Variants in AGAP1 observed in about 807,000 individuals in gnomAD.
The protein encoded by AGAP1 is ArfGAP with GTPase domain, ankyrin repeat and PH domain 1, also known as arf-GAP with GTPase, ANK repeat and PH domain-containing protein 1.
In AGAP1, 29 loss-of-function variants were observed where a neutral mutation model predicts 105.3. That is an observed-to-expected ratio of 0.28 (90% CI 0.21 to 0.38). The LOEUF is 0.38. Ranked by LOEUF, AGAP1 falls within the 10% of genes least tolerant of loss-of-function variation. AGAP1 has a pLI of 1.00. For synonymous variants in AGAP1, 509 were observed against 485.9 expected (o/e 1.05, Z -0.63); for missense variants, 998 against 1,165.1 (o/e 0.86, Z 2.09).
At chr2:235,518,022 C>G (rs1169866265) in intron 1 of AGAP1, among the ~76,000 whole-genome samples, 2 of 152,098 alleles carry the variant, frequency 1.3e-5, no homozygotes, top group Non-Finnish European at 2.9e-5. Flanking sequence ...GTTCTTGCCC[C>G]CATTTGCAGG....
In AGAP1 at chr2:235,732,613, T is replaced by A. The variant is rs2149616094; in HGVS notation, c.311-8350T>A. Among the ~76,000 whole-genome samples the A allele has an allele frequency of 6.6e-6, 1 of 152,238 alleles. No homozygotes were observed. The highest frequency in any genetic ancestry group is 1.5e-5 in the Non-Finnish European group (1 of 68,000). ...TCCTCTCCCCAAGCCTCTCCCGCCT[T>A]CCCATTTTCCCTGCTGGGGAGCCTT... On this transcript the variant is annotated intron_variant, in intron 3 of 17. Transcript: ENST00000304032. This position sits in a 1 kb window ranked among gnomAD's most constrained non-coding sequence, Gnocchi z 4.8.
rs764854079 is a variant in AGAP1 at position 235,662,276 on chromosome 2, G to A, written c.164-46903G>A. Among the ~76,000 whole-genome samples, 6 of 152,170 alleles carry A rather than the reference G, an allele frequency of 3.9e-5. No homozygotes were observed. Among genetic ancestry groups the A allele is most frequent in the Non-Finnish European group, 7.3e-5 (5 of 68,032 alleles). On this transcript the variant is annotated intron_variant, in intron 1 of 17. Coordinates refer to ENST00000304032, the MANE Select transcript of AGAP1 (RefSeq NM_001037131.3). The surrounding 1 kb of genome is among the most constrained non-coding windows in gnomAD (Gnocchi z 4.2). ...TAGTCACATCTTAACTTGTGGCGCGGCTTTAGAGAGTGTCTGTGCAGGCTG... is the reference window on the plus strand; with the variant it reads ...TAGTCACATCTTAACTTGTGGCGCGACTTTAGAGAGTGTCTGTGCAGGCTG...
intron 12 of AGAP1, among the ~76,000 whole-genome samples, chr2:235,942,550 G>A (rs893630937): frequency 1.1e-4 from 17 of 152,062 alleles, no homozygotes; most frequent in African/African-American, 3.6e-4. Context: ...GGTGGAACAT[G>A]CCTGTAATCC....
chr2:235,756,107 A>G (rs1417296969), intron 6 of AGAP1, among the ~76,000 whole-genome samples: 2 of 152,206 alleles, frequency 1.3e-5, no homozygotes, highest in Admixed American at 6.5e-5. Flanking sequence ...GAGATGGTGC[A>G]TTCAGCACTG....
rs2058647284 is a variant in AGAP1, at chr2:236,076,815, AG to A, written c.2114+27535del. Reference sequence around the variant, plus strand: ...GGGAAGTGACTGTATCCTACAGAGTAGAAAAATAGTCCCAGCACAGGGTCTC... The same window carrying A: ...GGGAAGTGACTGTATCCTACAGAGTAAAAAATAGTCCCAGCACAGGGTCTC... On this transcript the variant is annotated intron_variant, in intron 16 of 17. Transcript: ENST00000304032. This position sits in a 1 kb window ranked among gnomAD's most constrained non-coding sequence, Gnocchi z 4.4. Among the ~76,000 whole-genome samples, 2 of 152,176 alleles carry A rather than the reference AG, an allele frequency of 1.3e-5. No individual in the cohort carries two copies. Among genetic ancestry groups the A allele is most frequent in the South Asian group, 4.1e-4 (2 of 4,822 alleles).
chr2:235,541,894 C>A (rs940815863), intron 1 of AGAP1, among the ~76,000 whole-genome samples: 1 of 152,102 alleles, frequency 6.6e-6, no homozygotes. Context: ...TAATGCACGT[C>A]GCTATAGTTC....
At position 236,124,776 on chromosome 2, in the gene AGAP1, A is replaced by C. The variant is rs1285461268; in HGVS notation, c.*654A>C. ...AAGAAAGCATATTAGCCGAGGAGGTAGTCACGCGGCACGCGCCGGTGATTG... is the reference window on the plus strand; with the variant it reads ...AAGAAAGCATATTAGCCGAGGAGGTCGTCACGCGGCACGCGCCGGTGATTG... On this transcript the variant is annotated 3_prime_UTR_variant, in exon 18 of 18. Transcript: ENST00000304032. This position sits in a 1 kb window ranked among gnomAD's most constrained non-coding sequence, Gnocchi z 5.1. 2 of 154,466 alleles carry C rather than the reference A, an allele frequency of 1.3e-5. No homozygotes were observed. The highest frequency in any genetic ancestry group is 4.8e-5 in the African/African-American group (2 of 41,472). 9.6% of individuals were successfully genotyped at this position (154,466 alleles called of 1,614,324 possible).
chr2:235,924,616 C>T (rs2052356397), intron 11 of AGAP1, among the ~76,000 whole-genome samples: 1 of 152,210 alleles, frequency 6.6e-6, no homozygotes, highest in African/African-American at 2.4e-5. Flanking sequence ...AAATGAATGA[C>T]AGTCTCTTGC....
In AGAP1 at chr2:235,875,933, A is replaced by G. The variant is rs1471648845; in HGVS notation, c.1051-7412A>G. Reference sequence around the variant, plus strand: ...AATGCATTGTTTGTTTATATTTAACATGGATTCATTTAATGAGAGTTAAGT... The same window carrying G: ...AATGCATTGTTTGTTTATATTTAACGTGGATTCATTTAATGAGAGTTAAGT... On this transcript the variant is annotated intron_variant, in intron 9 of 17. Transcript: ENST00000304032. This position sits in a 1 kb window ranked among gnomAD's most constrained non-coding sequence, Gnocchi z 4.0. Among the ~76,000 whole-genome samples the G allele has an allele frequency of 1.3e-5, 2 of 152,214 alleles. No individual in the cohort carries two copies. The highest frequency in any genetic ancestry group is 2.9e-5 in the Non-Finnish European group (2 of 68,040).
chr2:235,870,111 A>G (rs1032258918), intron 9 of AGAP1, among the ~76,000 whole-genome samples: 2 of 151,752 alleles, frequency 1.3e-5, no homozygotes, highest in South Asian at 4.2e-4. Flanking sequence ...ACTTCACTCT[A>G]CCCTCCTTCC....
At chr2:235,722,823 C>T (rs1455162064) in intron 3 of AGAP1, among the ~76,000 whole-genome samples, 1 of 151,558 alleles carries the variant, frequency 6.6e-6, no homozygotes, top group Non-Finnish European at 1.5e-5. Flanking sequence ...TGCTGGGCTA[C>T]ATTGGAAGAG....
intron 13 of AGAP1, among the ~76,000 whole-genome samples, chr2:236,026,885 C>T (rs528544648): frequency 1.5e-4 from 23 of 152,266 alleles, no homozygotes; most frequent in Middle Eastern, 3.4e-3. Context: ...GCCCCTATGC[C>T]GTCTTTGATT....
At chr2:235,938,554 T>G (rs1353420113) in intron 12 of AGAP1, among the ~76,000 whole-genome samples, 1 of 152,142 alleles carries the variant, frequency 6.6e-6, no homozygotes, top group African/African-American at 2.4e-5. Context: ...AATCTTGAAT[T>G]CAGGCTCAAC....
In AGAP1 at chr2:235,901,011, C is replaced by G. The variant is rs2051039142; in HGVS notation, c.1156-7727C>G. Among the ~76,000 whole-genome samples the G allele has an allele frequency of 6.6e-6, 1 of 152,154 alleles. No individual in the cohort carries two copies. The highest frequency in any genetic ancestry group is 2.1e-4 in the South Asian group (1 of 4,824). ...CTTTGGGGAGAAGAGTAATTGTCTT[C>G]TTGAGTTCTGTGATCTGAAGGGATG... On this transcript the variant is annotated intron_variant, in intron 10 of 17. Coordinates refer to ENST00000304032, the MANE Select transcript of AGAP1 (RefSeq NM_001037131.3). The surrounding 1 kb of genome is among the most constrained non-coding windows in gnomAD (Gnocchi z 4.3).
At chr2:235,997,450 G>T (rs72991127) in intron 13 of AGAP1, among the ~76,000 whole-genome samples, 1 of 152,014 alleles carries the variant, frequency 6.6e-6, no homozygotes, top group South Asian at 2.1e-4. Flanking sequence ...CATTTCTAAT[G>T]CTTTCCAGCA....
Position 236,046,728 on chromosome 2 carries a change from A to G in AGAP1, c.1892-2331A>G, listed in dbSNP as rs956459544. 6.6e-6 allele frequency among the ~76,000 whole-genome samples: 1 copy of G among 151,986 alleles called. No individual in the cohort carries two copies. Among genetic ancestry groups the G allele is most frequent in the African/African-American group, 2.4e-5 (1 of 41,374 alleles). ...TAAGACTACACAGTCAGAAGAGATGACCCCACAGGAGCCCTGAGGTCAGGG... is the reference window on the plus strand; with the variant it reads ...TAAGACTACACAGTCAGAAGAGATGGCCCCACAGGAGCCCTGAGGTCAGGG... On this transcript the variant is annotated intron_variant, in intron 15 of 17. Coordinates refer to ENST00000304032, the MANE Select transcript of AGAP1 (RefSeq NM_001037131.3). This position sits in a 1 kb window ranked among gnomAD's most constrained non-coding sequence, Gnocchi z 5.2.
intron 1 of AGAP1, among the ~76,000 whole-genome samples, chr2:235,607,749 T>A (rs913808719): frequency 2.6e-5 from 4 of 152,166 alleles, no homozygotes; most frequent in Non-Finnish European, 2.9e-5. Flanking sequence ...GAGGGCAGCC[T>A]CCTGGAGGTG....
Position 235,714,228 on chromosome 2 carries a change from C to T in AGAP1, c.223-3329C>T, listed in dbSNP as rs1046586417. Among the ~76,000 whole-genome samples the T allele has an allele frequency of 3.3e-5, 5 of 152,002 alleles. No individual in the cohort carries two copies. Among genetic ancestry groups the T allele is most frequent in the Non-Finnish European group, 7.4e-5 (5 of 68,016 alleles). On this transcript the variant is annotated intron_variant, in intron 2 of 17. Coordinates refer to ENST00000304032, the MANE Select transcript of AGAP1 (RefSeq NM_001037131.3). This position sits in a 1 kb window ranked among gnomAD's most constrained non-coding sequence, Gnocchi z 4.1. Reference sequence around the variant, plus strand: ...ACAGGGTTTCACCATGTTGGCCAGTCTGGTCTTGAACTCCTGACCTCAGGT... The same window carrying T: ...ACAGGGTTTCACCATGTTGGCCAGTTTGGTCTTGAACTCCTGACCTCAGGT...
At chr2:235,773,150 T>G (rs918951832) in intron 6 of AGAP1, among the ~76,000 whole-genome samples, 2 of 152,296 alleles carry the variant, frequency 1.3e-5, no homozygotes, top group African/African-American at 4.8e-5. Flanking sequence ...AGCCGGAGCA[T>G]AGGGGCTCAA....
Sources: gnomAD v4.1 joint callset for allele counts (sites outside exome capture counted in the v4.1 genomes callset) on GRCh38, gnomAD v4.1.1 for gene constraint, Gnocchi (gnomAD v3.1) non-coding constraint, MANE v1.5 for transcripts, NCBI Gene and HGNC (gene_info 2026-07-23, HGNC 2026-07-21) for gene names.